The following TMPRSS15 variants were observed in gnomAD, a reference collection of about 807,000 sequenced individuals.
The protein encoded by TMPRSS15 is enteropeptidase.
A neutral mutation model predicts 125.3 loss-of-function variants in TMPRSS15; 128 were observed. The ratio of observed to expected loss-of-function variants is 1.02; its 90% CI spans 0.89 to 1.18. TMPRSS15 has a LOEUF of 1.18. Among genes scored for constraint, TMPRSS15 ranks in the 50% most tolerant of loss-of-function variants. The probability of loss-of-function intolerance (pLI) is 0.00; values close to 1 mark genes in which losing one functional copy is unlikely to be tolerated. For missense variants in TMPRSS15, 1,283 were observed against 1,212.7 expected (o/e 1.06, Z -0.86); for synonymous variants, 446 against 423.2 (o/e 1.05, Z -0.66).
rs779657017 is a variant in TMPRSS15 at position 18,341,377 on chromosome 21, A to C, written c.1564+36T>G. ...TGAGCCTCCACACCTGACGTTAATG[A>C]TTTAATAAGACAAAATACACATGAA... On this transcript the variant is annotated intron_variant, in intron 13 of 24. Coordinates refer to ENST00000284885, the MANE Select transcript of TMPRSS15 (RefSeq NM_002772.3). 3 of 1,613,734 alleles carry C rather than the reference A, an allele frequency of 1.9e-6. No individual in the cohort carries two copies. In the East Asian group the frequency reaches 6.7e-5, roughly 36 times the overall value.
chr21:18,383,908 G>T, intron 3 of TMPRSS15, 130 bp from the exon 4 acceptor site: 1 of 1,071,146 alleles, frequency 9.3e-7, no homozygotes, highest in Non-Finnish European at 1.4e-6. Flanking sequence ...ACCTGTGTAA[G>T]GTAGTCACTT....
chr21:18,473,104 A>T (rs1202830594), intron 1 of TMPRSS15, among the ~76,000 whole-genome samples: 1 of 152,126 alleles, frequency 6.6e-6, no homozygotes, highest in Non-Finnish European at 1.5e-5. Context: ...TAAATGCAAT[A>T]ACAAAGCACC....
intron 14 of TMPRSS15, 136 bp from the exon 15 acceptor site, chr21:18,329,430 G>C: frequency 1.2e-6 from 1 of 831,592 alleles, no homozygotes; most frequent in East Asian, 3.1e-5. Flanking sequence ...GTGTTTCAAG[G>C]TGTTTCTTTT....
chr21:18,293,861 C>G (rs2074867777), intron 21 of TMPRSS15, among the ~76,000 whole-genome samples: 1 of 152,132 alleles, frequency 6.6e-6, no homozygotes, highest in Admixed American at 6.5e-5. Flanking sequence ...AATTTGAGGG[C>G]TACCTAAGAA....
chr21:18,270,904 ATTTG>A (rs2074547120), intron 24 of TMPRSS15, among the ~76,000 whole-genome samples: 1 of 152,104 alleles, frequency 6.6e-6, no homozygotes, highest in Non-Finnish European at 1.5e-5. Context: ...TTTTTGATTA[ATTTG>A]TTTTTTATAT....
intron 19 of TMPRSS15, among the ~76,000 whole-genome samples, chr21:18,295,023 T>C (rs946748611): frequency 1.3e-5 from 2 of 152,200 alleles, no homozygotes; most frequent in East Asian, 1.9e-4. Context: ...ATGATAGATA[T>C]TGTTATGTTA....
At chr21:18,424,205 CAAT>C (rs374976080) in intron 1 of TMPRSS15, among the ~76,000 whole-genome samples, 11 of 152,292 alleles carry the variant, frequency 7.2e-5, no homozygotes, top group African/African-American at 2.6e-4. Context: ...TTTACCTCAA[CAAT>C]AATTTCCAAA....
intron 1 of TMPRSS15, among the ~76,000 whole-genome samples, chr21:18,410,710 T>A (rs1004896838): frequency 8.5e-5 from 13 of 152,160 alleles, no homozygotes; most frequent in African/African-American, 2.7e-4. Flanking sequence ...TGAGTTTTTG[T>A]GATTTTTTGA....
intron 8 of TMPRSS15, among the ~76,000 whole-genome samples, chr21:18,355,007 A>G (rs1254593894): frequency 6.6e-6 from 1 of 151,884 alleles, no homozygotes; most frequent in Non-Finnish European, 1.5e-5. Flanking sequence ...TCTAATAGAA[A>G]GGACATCATG....
chr21:18,401,070 C>T (rs935580558), intron 1 of TMPRSS15, among the ~76,000 whole-genome samples: 2 of 151,990 alleles, frequency 1.3e-5, no homozygotes, highest in African/African-American at 2.4e-5. Context: ...ACCAAAGAAT[C>T]GAAAAACAAC....
intron 23 of TMPRSS15, among the ~76,000 whole-genome samples, chr21:18,276,956 G>A (rs2074629778): frequency 6.6e-6 from 1 of 151,674 alleles, no homozygotes; most frequent in Admixed American, 6.6e-5. Context: ...AGTAGAGACG[G>A]GGTTTCACCA....
At position 18,326,512 on chromosome 21, in the gene TMPRSS15, A is replaced by C; in HGVS notation, c.1841T>G (p.Val614Gly). The C allele has an allele frequency of 6.2e-7, 1 of 1,614,144 alleles. No individual in the cohort carries two copies. ...CAACACATCGTTAGTGATGAGAAGC[A>C]CAGTCATTCTGTTGGTGGTAGAGAA... ...DVFSTTNRMT[V>G]LLITNDVLAR... Residue 614 changes from valine (V) to glycine (G), a missense_variant, in exon 16 of 25, where the codon GTG becomes GGG. By Grantham distance (109) the Val-to-Gly change is moderately radical. Transcript: ENST00000284885.
chr21:18,359,976 C>T (rs1167296739), intron 7 of TMPRSS15, 113 bp from the exon 8 acceptor site: 1 of 602,916 alleles, frequency 1.7e-6, no homozygotes, highest in Non-Finnish European at 3.0e-6. Flanking sequence ...AATATGATAT[C>T]TACTCTCTTA....
At chr21:18,415,827 G>T (rs527972214) in intron 1 of TMPRSS15, among the ~76,000 whole-genome samples, 42 of 152,140 alleles carry the variant, frequency 2.8e-4, no homozygotes, top group Non-Finnish European at 4.6e-4. Flanking sequence ...GAAATAGAAG[G>T]AATCAAAATT....
At chr21:18,435,081 T>TA (rs1491453019) in intron 1 of TMPRSS15, among the ~76,000 whole-genome samples, 1 of 139,288 alleles carries the variant, frequency 7.2e-6, no homozygotes, top group African/African-American at 3.1e-5. Context: ...AAAACACCAA[T>TA]TTTTTTTACA....
intron 1 of TMPRSS15, among the ~76,000 whole-genome samples, chr21:18,467,686 G>A (rs1288297944): frequency 6.6e-6 from 1 of 152,030 alleles, no homozygotes; most frequent in Non-Finnish European, 1.5e-5. Context: ...CAATCAGTGG[G>A]GGAAAATTGT....
chr21:18,444,453 G>C (rs1361828644), intron 1 of TMPRSS15, among the ~76,000 whole-genome samples: 1 of 152,024 alleles, frequency 6.6e-6, no homozygotes, highest in African/African-American at 2.4e-5. Context: ...TGGACACAGG[G>C]AGGGGAACAT....
chr21:18,351,892 G>C (rs533862259), intron 10 of TMPRSS15, among the ~76,000 whole-genome samples: 1 of 151,968 alleles, frequency 6.6e-6, no homozygotes, highest in Non-Finnish European at 1.5e-5. Flanking sequence ...ATTTCAACTT[G>C]GAAGTTTTGG....
In TMPRSS15 at chr21:18,297,719, GA is replaced by G; in HGVS notation, c.2261+14del. 6.2e-7 allele frequency: 1 copy of G among 1,600,848 alleles called. No homozygotes were observed. The highest frequency in any genetic ancestry group is 8.6e-7 in the Non-Finnish European group (1 of 1,168,060). On this transcript the variant is annotated intron_variant, in intron 19 of 24. Transcript: ENST00000284885. ...TCTATGTACAACTAGTCTAAGAACAGATTTAGGGACCCACCTGGGTGTTAGT... is the reference window on the plus strand; with the variant it reads ...TCTATGTACAACTAGTCTAAGAACAGTTTAGGGACCCACCTGGGTGTTAGT...
Sources: allele counts gnomAD v4.1 joint callset (sites outside exome capture counted in the v4.1 genomes callset), GRCh38; gene constraint gnomAD v4.1.1; transcripts MANE v1.5; gene names NCBI Gene and HGNC (gene_info 2026-07-23, HGNC 2026-07-21).